Variants in NKAIN2 observed in about 807,000 individuals in gnomAD.
NKAIN2 encodes sodium/potassium-transporting ATPase subunit beta-1-interacting protein 2.
A neutral mutation model predicts 32.6 loss-of-function variants in NKAIN2; 14 were observed. The observed-to-expected ratio is 0.43, with a 90% CI of 0.28 to 0.67. The LOEUF is 0.67. NKAIN2 is among the 30% of genes least tolerant of loss of function. NKAIN2 has a pLI of 0.17. For synonymous variants in NKAIN2, 80 were observed against 87.2 expected (o/e 0.92, Z 0.46); for missense variants, 198 against 258.3 (o/e 0.77, Z 1.60).
chr6:123,994,507 A>T (rs537716334), intron 1 of NKAIN2, among the ~76,000 whole-genome samples: 42 of 152,114 alleles, frequency 2.8e-4, no homozygotes, highest in African/African-American at 9.2e-4. Context: ...CCGTAAGCAA[A>T]TAGTAAGGCT....
At chr6:124,038,314 A>G (rs1781700015) in intron 1 of NKAIN2, among the ~76,000 whole-genome samples, 1 of 151,678 alleles carries the variant, frequency 6.6e-6, no homozygotes, top group Non-Finnish European at 1.5e-5. Context: ...TCCAGGGTTC[A>G]AGTGATTCTC....
chr6:123,833,264 G>C (rs1020405332), intron 1 of NKAIN2, among the ~76,000 whole-genome samples: 1 of 151,180 alleles, frequency 6.6e-6, no homozygotes, highest in African/African-American at 2.4e-5. Context: ...ATCTGTGTAG[G>C]TCTTTCTGTG....
intron 1 of NKAIN2, among the ~76,000 whole-genome samples, chr6:124,060,290 C>T (rs981943929): frequency 2.2e-4 from 33 of 152,176 alleles, no homozygotes; most frequent in African/African-American, 7.2e-4. Context: ...GCTTGATTTG[C>T]ACTCTCAGAG....
At chr6:124,118,501 A>G (rs4896085) in intron 1 of NKAIN2, among the ~76,000 whole-genome samples, 5,254 of 152,194 alleles carry the variant, frequency 0.035, 175 homozygotes, top group East Asian at 0.11. Context: ...AAACAAAAAC[A>G]ATTTTTGCAT....
At chr6:123,830,655 T>C (rs1204241025) in intron 1 of NKAIN2, among the ~76,000 whole-genome samples, 1 of 152,222 alleles carries the variant, frequency 6.6e-6, no homozygotes, top group Admixed American at 6.5e-5. Flanking sequence ...TAGAAACAAC[T>C]TGTATTTCTC....
At chr6:124,632,260 C>T (rs1783599058) in intron 3 of NKAIN2, among the ~76,000 whole-genome samples, 1 of 152,026 alleles carries the variant, frequency 6.6e-6, no homozygotes, top group Admixed American at 6.6e-5. Context: ...ACAGGAAAAA[C>T]ATATTGATAG....
chr6:124,557,335 T>C (rs1257245633), intron 3 of NKAIN2, among the ~76,000 whole-genome samples: 1 of 152,158 alleles, frequency 6.6e-6, no homozygotes, highest in Non-Finnish European at 1.5e-5. Context: ...TAAAGATGAC[T>C]TGCCTTTCCC....
intron 3 of NKAIN2, among the ~76,000 whole-genome samples, chr6:124,631,086 T>C (rs1042677922): frequency 1.3e-5 from 2 of 152,214 alleles, no homozygotes; most frequent in Non-Finnish European, 2.9e-5. Context: ...GAGTCATTCC[T>C]TTGGTTCTAG....
intron 1 of NKAIN2, among the ~76,000 whole-genome samples, chr6:124,008,025 G>T (rs756489066): frequency 6.6e-6 from 1 of 152,174 alleles, no homozygotes; most frequent in Non-Finnish European, 1.5e-5. Flanking sequence ...GCATGGGACC[G>T]TGTCCTGTTT....
intron 2 of NKAIN2, among the ~76,000 whole-genome samples, chr6:124,327,755 G>A (rs980259662): frequency 2.0e-5 from 3 of 152,130 alleles, no homozygotes; most frequent in Admixed American, 6.5e-5. Flanking sequence ...GTATAAAGTG[G>A]TTGAAATAAA....
chr6:123,940,843 TA>T (rs1211337307), intron 1 of NKAIN2, among the ~76,000 whole-genome samples: 1 of 151,948 alleles, frequency 6.6e-6, no homozygotes, highest in African/African-American at 2.4e-5. Flanking sequence ...TAAATTTATT[TA>T]AAAAATTTTT....
At chr6:123,920,832 C>A (rs1430176826) in intron 1 of NKAIN2, among the ~76,000 whole-genome samples, 2 of 152,098 alleles carry the variant, frequency 1.3e-5, no homozygotes, top group East Asian at 3.9e-4. Flanking sequence ...AAAGAATTAT[C>A]TTCATAAGTC....
At chr6:124,085,336 A>C (rs1375311458) in intron 1 of NKAIN2, among the ~76,000 whole-genome samples, 3 of 152,002 alleles carry the variant, frequency 2.0e-5, no homozygotes, top group African/African-American at 7.2e-5. Flanking sequence ...TTTGGCATTA[A>C]AAAATACACT....
At chr6:124,385,179 TTTTAGC>T (rs1188345763) in intron 3 of NKAIN2, among the ~76,000 whole-genome samples, 1 of 152,130 alleles carries the variant, frequency 6.6e-6, no homozygotes, top group Admixed American at 6.5e-5. Context: ...ATATATTTTC[TTTTAGC>T]CAGCTATGAG....
chr6:124,732,559 G>T (rs1776735208), intron 4 of NKAIN2, among the ~76,000 whole-genome samples: 1 of 152,052 alleles, frequency 6.6e-6, no homozygotes, highest in African/African-American at 2.4e-5. Flanking sequence ...TATAGAGAGT[G>T]AGATTCAATA....
intron 4 of NKAIN2, among the ~76,000 whole-genome samples, chr6:124,692,800 G>A (rs1430503378): frequency 1.3e-5 from 2 of 151,834 alleles, no homozygotes; most frequent in African/African-American, 4.8e-5. Flanking sequence ...CTAGGCGACA[G>A]AGCAAGGCTG....
chr6:123,968,945 C>T (rs1427005036), intron 1 of NKAIN2, among the ~76,000 whole-genome samples: 2 of 152,158 alleles, frequency 1.3e-5, no homozygotes, highest in Non-Finnish European at 2.9e-5. Context: ...TCCTCTGGGC[C>T]ATGAGCTCTG....
intron 3 of NKAIN2, among the ~76,000 whole-genome samples, chr6:124,618,555 T>C (rs1369825119): frequency 2.0e-5 from 3 of 152,224 alleles, no homozygotes; most frequent in Non-Finnish European, 4.4e-5. Context: ...CATATTTAGA[T>C]ACCTGAAAGT....
At chr6:124,371,529 T>G (rs889401261) in intron 3 of NKAIN2, among the ~76,000 whole-genome samples, 1 of 151,582 alleles carries the variant, frequency 6.6e-6, no homozygotes, top group Non-Finnish European at 1.5e-5. Context: ...CCGTCTCTAC[T>G]AAAAATACAA....
Sources: allele counts gnomAD v4.1 joint callset (sites outside exome capture counted in the v4.1 genomes callset), GRCh38; gene constraint gnomAD v4.1.1; transcripts MANE v1.5; gene names NCBI Gene and HGNC (gene_info 2026-07-23, HGNC 2026-07-21).